TTC6: variants seen among roughly 807,000 people sequenced by gnomAD.
The protein encoded by TTC6 is tetratricopeptide repeat protein 6.
Under a neutral mutation model 210.4 loss-of-function variants are expected in TTC6, and 172 were observed. That is an observed-to-expected ratio of 0.82 (90% CI 0.72 to 0.93). The LOEUF (loss-of-function observed/expected upper bound fraction) is 0.93, where lower values mean the gene tolerates loss of function less well. Ranked by LOEUF, TTC6 falls within the 40% of genes least tolerant of loss-of-function variation. The pLI, the probability that TTC6 is intolerant of heterozygous loss-of-function variation, is 0.00. For synonymous variants in TTC6, 804 were observed against 819.6 expected (o/e 0.98, Z 0.32); for missense variants, 2,414 against 2,318.1 (o/e 1.04, Z -0.85).
At chr14:37,788,213 G>A (rs1261243401) in intron 15 of TTC6, among the ~76,000 whole-genome samples, 2 of 152,112 alleles carry the variant, frequency 1.3e-5, no homozygotes, top group East Asian at 3.8e-4. Flanking sequence ...CACACTCCTG[G>A]TTTATGCATG....
At chr14:37,759,294 A>G (rs1283229675) in intron 14 of TTC6, among the ~76,000 whole-genome samples, 1 of 151,876 alleles carries the variant, frequency 6.6e-6, no homozygotes, top group Non-Finnish European at 1.5e-5. Flanking sequence ...GAAAAAAAAG[A>G]AAGTTCTTTT....
intron 15 of TTC6, among the ~76,000 whole-genome samples, chr14:37,788,086 A>G (rs1157657979): frequency 6.6e-6 from 1 of 152,142 alleles, no homozygotes; most frequent in Non-Finnish European, 1.5e-5. Context: ...GCTCAGCCCA[A>G]GGGATTTGTC....
intron 17 of TTC6, among the ~76,000 whole-genome samples, 194 bp downstream of exon 19, chr14:37,792,608 A>G (rs1449629336): frequency 6.6e-6 from 1 of 151,980 alleles, no homozygotes; most frequent in Admixed American, 6.6e-5. Flanking sequence ...GTGCATTTTT[A>G]TGTCTTTCAC....
intron 15 of TTC6, 146 bp downstream of exon 17, chr14:37,787,783 A>C (rs1349289787): frequency 1.8e-6 from 1 of 561,134 alleles, no homozygotes; most frequent in East Asian, 3.1e-5. Flanking sequence ...ATATTACATG[A>C]GCTTACGCAT....
chr14:37,808,417 A>G (rs1354998228), intron 23 of TTC6, among the ~76,000 whole-genome samples: 1 of 152,168 alleles, frequency 6.6e-6, no homozygotes, highest in Non-Finnish European at 1.5e-5. Flanking sequence ...GGGTGGCTTT[A>G]TTTTATTTTA....
At position 37,616,252 on chromosome 14, in the gene TTC6, G is replaced by A. The variant is rs1259612547; in HGVS notation, c.-154-5798G>A. Among the ~76,000 whole-genome samples the A allele has an allele frequency of 2.0e-5, 3 of 152,170 alleles. No individual in the cohort carries two copies. The East Asian group carries it at 5.8e-4, about 29-fold the overall frequency. ...TCTGGAATTTCTCTCTCACTTCTCA[G>A]TGATGTTTGTTGTCTGGGCTCCTTT... On this transcript the variant is annotated intron_variant, in intron 2 of 2. Coordinates refer to the TTC6 transcript ENST00000556845.
intron 17 of TTC6, among the ~76,000 whole-genome samples, chr14:37,795,004 T>C (rs187263012): frequency 6.6e-6 from 1 of 152,200 alleles, no homozygotes; most frequent in Non-Finnish European, 1.5e-5. Flanking sequence ...ATGTATTATA[T>C]AATCACATTT....
intron 20 of TTC6, among the ~76,000 whole-genome samples, chr14:37,803,478 T>G (rs576654374): frequency 1.8e-4 from 27 of 152,084 alleles, no homozygotes; most frequent in African/African-American, 4.8e-4. Flanking sequence ...CGTGGAGTAG[T>G]GAAAGAGAGA....
intron 9 of TTC6, among the ~76,000 whole-genome samples, chr14:37,738,202 T>A (rs1372582305): frequency 4.9e-5 from 7 of 141,602 alleles, no homozygotes; most frequent in East Asian, 2.0e-4. Context: ...ATAAATAATA[T>A]TATTAAAAAT....
At chr14:37,796,219 A>T in intron 18 of TTC6, 75 bp from the exon 21 acceptor site, 1 of 608,352 alleles carries the variant, frequency 1.6e-6, no homozygotes, top group Non-Finnish European at 2.8e-6. Context: ...AATTGTAAGT[A>T]ACTGATTAGA....
At chr14:37,737,854 A>G in intron 9 of TTC6, 120 bp downstream of exon 11, 2 of 523,010 alleles carry the variant, frequency 3.8e-6, no homozygotes, top group Non-Finnish European at 6.4e-6. Context: ...GTCTAATTAC[A>G]TATTGAGTTT....
chr14:37,731,571 C>T (rs2056374259), intron 7 of TTC6, among the ~76,000 whole-genome samples: 1 of 151,740 alleles, frequency 6.6e-6, no homozygotes, highest in Admixed American at 6.6e-5. Context: ...GTAATAGTGT[C>T]AATTTTTACT....
intron 1 of TTC6, among the ~76,000 whole-genome samples, chr14:37,652,673 T>A (rs1222857275): frequency 6.6e-6 from 1 of 152,210 alleles, no homozygotes; most frequent in Non-Finnish European, 1.5e-5. Context: ...AGTTACTTCA[T>A]CTTATAAATG....
chr14:37,693,179 A>G (rs9989212), intron 3 of TTC6, among the ~76,000 whole-genome samples: 93,102 of 151,836 alleles, frequency 0.61, 28,769 homozygotes, highest in East Asian at 0.86. Flanking sequence ...ATGAGAACTG[A>G]TAAACAAATT....
At chr14:37,664,963 A>T (rs1480380425) in intron 1 of TTC6, among the ~76,000 whole-genome samples, 1 of 150,688 alleles carries the variant, frequency 6.6e-6, no homozygotes, top group Non-Finnish European at 1.5e-5. Flanking sequence ...ATCTCATGCC[A>T]GTTAGAATGG....
At chr14:37,837,049 AG>A in intron 29 of TTC6, among the ~76,000 whole-genome samples, 1 of 152,350 alleles carries the variant, frequency 6.6e-6, no homozygotes, top group South Asian at 2.1e-4. Flanking sequence ...TAAAAAATCA[AG>A]ACCATCTGTT....
intron 14 of TTC6, among the ~76,000 whole-genome samples, chr14:37,784,062 A>T (rs931979710): frequency 6.6e-6 from 1 of 152,192 alleles, no homozygotes; most frequent in East Asian, 1.9e-4. Flanking sequence ...TGTGTGGTCA[A>T]TTTTGGAATA....
chr14:37,608,871 T>C (rs564707545), intron 2 of TTC6, among the ~76,000 whole-genome samples: 1 of 152,068 alleles, frequency 6.6e-6, no homozygotes, highest in South Asian at 2.1e-4. Context: ...GCTTTGAAGC[T>C]GGGTAGCAAG....
chr14:37,831,822 C>T (rs1323097491), intron 29 of TTC6, among the ~76,000 whole-genome samples: 1 of 151,980 alleles, frequency 6.6e-6, no homozygotes, highest in Non-Finnish European at 1.5e-5. Flanking sequence ...TTTATATATT[C>T]TGGTTATTAA....
Sources: allele counts gnomAD v4.1 joint callset (sites outside exome capture counted in the v4.1 genomes callset), GRCh38; gene constraint gnomAD v4.1.1; transcripts MANE v1.5; gene names NCBI Gene and HGNC (gene_info 2026-07-23, HGNC 2026-07-21).